ANK3: variants seen among roughly 807,000 people sequenced by gnomAD.
The protein encoded by ANK3 is ankyrin 3, also known as ankyrin-3.
ANK3 carries 57 observed loss-of-function variants against 370.9 expected under a neutral mutation model. The ratio of observed to expected loss-of-function variants is 0.15; its 90% CI spans 0.12 to 0.19. ANK3 has a LOEUF of 0.19. ANK3 is among the 10% of genes least tolerant of loss of function. The pLI, the probability that ANK3 is intolerant of heterozygous loss-of-function variation, is 1.00. For missense variants in ANK3, 4,439 were observed against 5,302.1 expected, an observed-to-expected ratio of 0.84 and a Z score of 5.06; for synonymous variants, 1,929 against 1,946.3, an observed-to-expected ratio of 0.99 and a Z score of 0.23.
intron 1 of ANK3, among the ~76,000 whole-genome samples, chr10:60,670,352 T>C (rs987109389): frequency 6.6e-6 from 1 of 152,106 alleles, no homozygotes; most frequent in African/African-American, 2.4e-5. Context: ...CCCTCAGAAC[T>C]GCTCAAACAG....
At chr10:60,567,578 T>C (rs530796947) in intron 2 of ANK3, among the ~76,000 whole-genome samples, 1 of 152,322 alleles carries the variant, frequency 6.6e-6, no homozygotes, top group Non-Finnish European at 1.5e-5. Context: ...AACACAACAT[T>C]GATTCTGCAG....
chr10:60,344,334 G>A (rs764574984), intron 1 of ANK3, among the ~76,000 whole-genome samples: 1 of 152,166 alleles, frequency 6.6e-6, no homozygotes, highest in Non-Finnish European at 1.5e-5. Flanking sequence ...AATGTGATCT[G>A]AAAAGGTACT....
At chr10:60,554,314 G>A (rs1349268974) in intron 2 of ANK3, among the ~76,000 whole-genome samples, 1 of 151,982 alleles carries the variant, frequency 6.6e-6, no homozygotes, top group Non-Finnish European at 1.5e-5. Context: ...CTGAGAACAG[G>A]GACAGGACTG....
intron 2 of ANK3, among the ~76,000 whole-genome samples, chr10:60,431,123 A>G (rs577091517): frequency 1.2e-4 from 18 of 152,206 alleles, no homozygotes; most frequent in Non-Finnish European, 1.3e-4. Context: ...TATACAATGA[A>G]ATAATTACAC....
chr10:60,198,561 A>G, intron 13 of ANK3, 24 bp from the exon 14 acceptor site: 1 of 1,607,418 alleles, frequency 6.2e-7, no homozygotes, highest in Non-Finnish European at 8.5e-7. Flanking sequence ...TAGAAATGTA[A>G]GGCTGATGAG....
intron 2 of ANK3, among the ~76,000 whole-genome samples, chr10:60,546,061 G>A (rs547885277): frequency 1.8e-5 from 2 of 111,966 alleles, no homozygotes; most frequent in East Asian, 5.1e-4. Context: ...TTAGAGACAA[G>A]GTCTCACTCT....
At chr10:60,205,947 A>G in intron 10 of ANK3, 57 bp from the exon 11 acceptor site, 2 of 1,130,188 alleles carry the variant, frequency 1.8e-6, no homozygotes, top group Non-Finnish European at 1.3e-6. Flanking sequence ...ATCCAGTTTC[A>G]CTGTGTGCAG....
intron 2 of ANK3, among the ~76,000 whole-genome samples, chr10:60,560,683 C>CATTTGTAGTAGGAGGAAATCCATTAA (rs1425088621): frequency 6.6e-6 from 1 of 152,156 alleles, no homozygotes; most frequent in African/African-American, 2.4e-5. Flanking sequence ...AATAACACCA[C>CATTTGTAGTAGGAGGAAATCCATTAA]ATTTGTAGTA....
At position 60,670,149 on chromosome 10, in the gene ANK3, C is replaced by A. The variant is rs531403936; in HGVS notation, c.58-54925G>T. ...CTAATTGATTTTAAATATCCCATGGCTGCAAATACAATGAATATACTCTGA... is the reference window on the plus strand; with the variant it reads ...CTAATTGATTTTAAATATCCCATGGATGCAAATACAATGAATATACTCTGA... On this transcript the variant is annotated intron_variant, in intron 1 of 43. Coordinates refer to the ANK3 transcript ENST00000373827. Among the ~76,000 whole-genome samples the A allele has an allele frequency of 5.5e-4, 84 of 152,134 alleles. No individual in the cohort carries two copies. In the South Asian group the frequency reaches 0.017, roughly 30 times the overall value.
At chr10:60,629,286 C>G (rs776250938) in intron 1 of ANK3, among the ~76,000 whole-genome samples, 2 of 152,068 alleles carry the variant, frequency 1.3e-5, no homozygotes, top group Non-Finnish European at 2.9e-5. Context: ...TCTCCAGAGA[C>G]CAAGTTAAAT....
At chr10:60,475,030 G>C (rs2075023063) in intron 2 of ANK3, among the ~76,000 whole-genome samples, 1 of 151,922 alleles carries the variant, frequency 6.6e-6, no homozygotes, top group Admixed American at 6.6e-5. Flanking sequence ...CTTACCTATT[G>C]AAATGTGTGT....
chr10:60,501,567 T>C (rs1364627651), intron 2 of ANK3, among the ~76,000 whole-genome samples: 1 of 151,736 alleles, frequency 6.6e-6, no homozygotes, highest in Non-Finnish European at 1.5e-5. Context: ...TAGCTGGGCG[T>C]GGTGGTGCAC....
intron 2 of ANK3, among the ~76,000 whole-genome samples, chr10:60,524,732 CAT>C (rs1459987220): frequency 2.0e-5 from 3 of 152,032 alleles, no homozygotes; most frequent in East Asian, 1.9e-4. Context: ...ACTAAAACCA[CAT>C]GTTTCATCAT....
At chr10:60,621,333 A>G (rs528160607) in intron 1 of ANK3, among the ~76,000 whole-genome samples, 1 of 152,316 alleles carries the variant, frequency 6.6e-6, no homozygotes, top group South Asian at 2.1e-4. Context: ...AAAATTCTAG[A>G]TTGTTTTGTC....
chr10:60,135,032 A>T (rs1565229905), intron 24 of ANK3, among the ~76,000 whole-genome samples: 1 of 152,134 alleles, frequency 6.6e-6, no homozygotes, highest in East Asian at 1.9e-4. Flanking sequence ...CCACTGTCAA[A>T]TCCTCCATAT....
intron 1 of ANK3, among the ~76,000 whole-genome samples, chr10:60,360,660 A>C: frequency 6.6e-6 from 1 of 152,160 alleles, no homozygotes; most frequent in Non-Finnish European, 1.5e-5. Context: ...AGTTCACGCC[A>C]CTGTACTCCA....
At chr10:60,613,013 C>G (rs189162113) in intron 2 of ANK3, among the ~76,000 whole-genome samples, 2 of 152,054 alleles carry the variant, frequency 1.3e-5, no homozygotes, top group East Asian at 3.9e-4. Context: ...TAAAACAGAA[C>G]AAGAAAGTCC....
chr10:60,678,042 C>A lies in ANK3; in HGVS notation c.57+55221G>T, dbSNP rs374203523. The stretch of plus-strand genomic sequence containing the variant: ...ATTATCTGTAAGCTGGTGATTTTAC[C>A]CTCACAGATGGAGAACAAATGATAT... On this transcript the variant is annotated intron_variant, in intron 1 of 43. Coordinates refer to the ANK3 transcript ENST00000373827. Among the ~76,000 whole-genome samples, 27 of 152,172 alleles carry A rather than the reference C, an allele frequency of 1.8e-4. 1 individual carries two copies. The South Asian group carries it at 3.7e-3, about 21-fold the overall frequency.
chr10:60,428,065 C>G (rs781286670), intron 2 of ANK3, among the ~76,000 whole-genome samples: 1 of 152,114 alleles, frequency 6.6e-6, no homozygotes, highest in African/African-American at 2.4e-5. Flanking sequence ...CTTATCTTTT[C>G]CCAACTGCTT....
Sources: gnomAD v4.1 joint callset for allele counts (sites outside exome capture counted in the v4.1 genomes callset) on GRCh38, gnomAD v4.1.1 for gene constraint, MANE v1.5 for transcripts, NCBI Gene and HGNC (gene_info 2026-07-23, HGNC 2026-07-21) for gene names.